OTULIN: variants seen among roughly 807,000 people sequenced by gnomAD.
OTULIN encodes the protein OTU deubiquitinase with linear linkage specificity.
A neutral mutation model predicts 39.6 loss-of-function variants in OTULIN; 15 were observed. That is an observed-to-expected ratio of 0.38 (90% CI 0.25 to 0.58). OTULIN has a LOEUF of 0.58. Ranked by LOEUF, OTULIN falls within the 20% of genes least tolerant of loss-of-function variation. The pLI is 0.66. For missense variants in OTULIN, 319 were observed against 445.9 expected, an observed-to-expected ratio of 0.72 and a Z score of 2.56; for synonymous variants, 156 against 170.3, an observed-to-expected ratio of 0.92 and a Z score of 0.65.
chr5:14,716,486 T>C, the OTULIN span, among the ~76,000 whole-genome samples: 1 of 150,440 alleles, frequency 6.6e-6, no homozygotes, highest in African/African-American at 2.5e-5. Flanking sequence ...AATGAAACTC[T>C]GTCTCCAATA....
chr5:14,675,154 C>T (rs544271566), intron 2 of OTULIN, among the ~76,000 whole-genome samples: 12 of 152,264 alleles, frequency 7.9e-5, no homozygotes, highest in African/African-American at 2.4e-4. Flanking sequence ...AGATCCTGTT[C>T]ATACATGTTA....
At position 14,693,863 on chromosome 5, in the gene OTULIN, A is replaced by C. The variant is rs996210904; in HGVS notation, c.*815A>C. 6.6e-6 allele frequency: 1 copy of C among 152,256 alleles called. No homozygotes were observed. The highest frequency in any genetic ancestry group is 6.5e-5 in the Admixed American group (1 of 15,274). 9.4% of individuals were successfully genotyped at this position (152,256 alleles called of 1,614,324 possible). A position where few individuals can be genotyped will look rare whatever the true frequency, so the allele number is the denominator to read the frequency against. ...CGCACTGGAGTCTGGGGCTTGGTGC[A>C]GGTGGTGCCCCATCAGTGTGGACAG... On this transcript the variant is annotated 3_prime_UTR_variant, in exon 7 of 7. Coordinates refer to ENST00000284274, the MANE Select transcript of OTULIN (RefSeq NM_138348.6).
In OTULIN at chr5:14,673,690, A is replaced by G; in HGVS notation, c.201A>G (p.Glu67=). The G allele has an allele frequency of 6.2e-7, 1 of 1,613,800 alleles. No individual in the cohort carries two copies. The highest frequency in any genetic ancestry group is 2.2e-5 in the East Asian group (1 of 44,798). Residue 67 remains glutamate, a synonymous_variant, in exon 2 of 7, where the codon GAA becomes GAG. Transcript: ENST00000284274. The part of the protein sequence containing the change: ...RAADEIEKEK[E]LLIHERGASE... Reference sequence around the variant, plus strand: ...CAGATGAAATAGAAAAGGAGAAAGAATTGCTTATACATGAAAGAGGGGCAT... The same window carrying G: ...CAGATGAAATAGAAAAGGAGAAAGAGTTGCTTATACATGAAAGAGGGGCAT...
At chr5:14,708,416 T>C in the OTULIN span, 3 of 152,234 alleles carry the variant, frequency 2.0e-5, no homozygotes, top group Non-Finnish European at 4.4e-5. Flanking sequence ...CTTTCTAAAA[T>C]GCAGCTGTCA....
downstream of OTULIN, among the ~76,000 whole-genome samples, chr5:14,703,324 CAAAAAAAAAAAAAAAAAA>C (rs59779015): frequency 8.0e-3 from 978 of 122,080 alleles, 13 homozygotes; most frequent in African/African-American, 0.013. Flanking sequence ...TTAATAGTGT[CAAAAAAAAAAAAAAAAAA>C]AAAAAAAAAA....
chr5:14,701,607 C>A (rs1736797475), downstream of OTULIN, among the ~76,000 whole-genome samples: 1 of 152,296 alleles, frequency 6.6e-6, no homozygotes, highest in Middle Eastern at 3.4e-3. Context: ...TCTACAAATT[C>A]TTTTCAAATA....
intron 5 of OTULIN, among the ~76,000 whole-genome samples, chr5:14,688,820 G>T (rs1736451774): frequency 6.6e-6 from 1 of 152,118 alleles, no homozygotes; most frequent in South Asian, 2.1e-4. Context: ...GGGCCCTTCA[G>T]CGCAACCACA....
rs1259834853 is a variant in OTULIN, at chr5:14,693,232, C to A, written c.*184C>A. The A allele has an allele frequency of 7.0e-6, 4 of 575,530 alleles. No homozygotes were observed. The highest frequency in any genetic ancestry group is 1.2e-5 in the Non-Finnish European group (4 of 327,918). 35.7% of individuals were successfully genotyped at this position (575,530 alleles called of 1,614,324 possible). On this transcript the variant is annotated 3_prime_UTR_variant, in exon 7 of 7. Coordinates refer to ENST00000284274, the MANE Select transcript of OTULIN (RefSeq NM_138348.6). ...GATAAGAGAAATTAACCAAGTCTTT[C>A]CCCTCATCTATGATGCAATATATTT...
intron 1 of OTULIN, among the ~76,000 whole-genome samples, chr5:14,672,510 A>C (rs74506071): frequency 6.6e-6 from 1 of 151,358 alleles, no homozygotes; most frequent in East Asian, 1.9e-4. Context: ...TTTTTTTTTT[A>C]GCCTGGCACC....
At position 14,699,826 on chromosome 5, in the gene OTULIN, C is replaced by G. The variant is rs1365623616; in HGVS notation, c.*6778C>G. The G allele has an allele frequency of 2.6e-5, 4 of 152,248 alleles. No homozygotes were observed. The highest frequency in any genetic ancestry group is 5.9e-5 in the Non-Finnish European group (4 of 68,080). The allele number at this position is 152,248 out of a possible 1,614,324, so 9.4% of individuals were successfully genotyped here. ...AGTTTCTCTGAATTTTCTGTCTCAC[C>G]TCCTCACCCCTACCCTTGCCTTTTG... On this transcript the variant is annotated 3_prime_UTR_variant, in exon 7 of 7. Coordinates refer to ENST00000284274, the MANE Select transcript of OTULIN (RefSeq NM_138348.6).
At chr5:14,674,591 CAA>C (rs1220591311) in intron 2 of OTULIN, among the ~76,000 whole-genome samples, 1 of 151,916 alleles carries the variant, frequency 6.6e-6, no homozygotes, top group Non-Finnish European at 1.5e-5. Context: ...CTTGTGTCTA[CAA>C]AAAATACAAA....
chr5:14,711,182 A>G, the OTULIN span: 8 of 1,601,314 alleles, frequency 5.0e-6, no homozygotes, highest in Non-Finnish European at 6.8e-6. Flanking sequence ...TGCAGTGCCC[A>G]TGGCGTCCCG....
At chr5:14,677,727 T>G (rs896575440) in intron 2 of OTULIN, among the ~76,000 whole-genome samples, 1 of 152,202 alleles carries the variant, frequency 6.6e-6, no homozygotes, top group Non-Finnish European at 1.5e-5. Context: ...GAGAGTTCTG[T>G]TAGTTTCTGG....
At chr5:14,687,151 A>G (rs1736406236) in intron 4 of OTULIN, among the ~76,000 whole-genome samples, 4 of 152,144 alleles carry the variant, frequency 2.6e-5, no homozygotes, top group African/African-American at 9.7e-5. Context: ...GTCCCGAGCC[A>G]TGTGTTAGGT....
At chr5:14,713,057 TGTA>T in the OTULIN span, 1 of 1,343,698 alleles carries the variant, frequency 7.4e-7, no homozygotes. The surrounding 1 kb of genome is among the most constrained non-coding windows in gnomAD (Gnocchi z 4.4). Flanking sequence ...GGAAAGTAAG[TGTA>T]GCCTCGAGAC....
Position 14,694,942 on chromosome 5 carries a change from G to C in OTULIN, c.*1894G>C, listed in dbSNP as rs182854793. On this transcript the variant is annotated 3_prime_UTR_variant, in exon 7 of 7. Transcript: ENST00000284274. Reference sequence around the variant, plus strand: ...TTTAAAGCACAACTCGAAACATTTCGATCATACATACATAGCAGTAGAGAT... The same window carrying C: ...TTTAAAGCACAACTCGAAACATTTCCATCATACATACATAGCAGTAGAGAT... 1.3e-5 allele frequency: 2 copies of C among 152,544 alleles called. No homozygotes were observed. Among genetic ancestry groups the C allele is most frequent in the East Asian group, 3.9e-4 (2 of 5,186 alleles). 9.4% of individuals were successfully genotyped at this position (152,544 alleles called of 1,614,324 possible). A position where few individuals can be genotyped will look rare whatever the true frequency, so the allele number is the denominator to read the frequency against.
At chr5:14,692,569 C>G (rs1410637098) in intron 6 of OTULIN, among the ~76,000 whole-genome samples, 1 of 151,896 alleles carries the variant, frequency 6.6e-6, no homozygotes, top group African/African-American at 2.4e-5. Context: ...AGATCCTTTG[C>G]CTAATTTTTA....
intron 4 of OTULIN, among the ~76,000 whole-genome samples, chr5:14,684,082 T>C (rs1374008231): frequency 6.6e-6 from 1 of 152,252 alleles, no homozygotes; most frequent in Non-Finnish European, 1.5e-5. Flanking sequence ...TTTCCTTTTC[T>C]ATGTGTATCA....
chr5:14,710,366 A>AAGTC, the OTULIN span: 1 of 152,256 alleles, frequency 6.6e-6, no homozygotes, highest in East Asian at 1.9e-4. Context: ...CCTTCAGGAA[A>AAGTC]AGTCATGCGG....
Sources: gnomAD v4.1 joint callset for allele counts (sites outside exome capture counted in the v4.1 genomes callset) on GRCh38, gnomAD v4.1.1 for gene constraint, Gnocchi (gnomAD v3.1) non-coding constraint, MANE v1.5 for transcripts, NCBI Gene and HGNC (gene_info 2026-07-23, HGNC 2026-07-21) for gene names.